Variants in HBS1L observed in about 807,000 individuals in gnomAD.
The protein encoded by HBS1L is HBS1-like protein.
Under a neutral mutation model 88.9 loss-of-function variants are expected in HBS1L, and 55 were observed. The observed-to-expected ratio is 0.62, with a 90% confidence interval of 0.50 to 0.77. The LOEUF is 0.77. Ranked by LOEUF, HBS1L falls within the 30% of genes least tolerant of loss-of-function variation. The pLI is 0.00. For synonymous variants in HBS1L, 267 were observed against 288.5 expected (o/e 0.93, Z 0.76); for missense variants, 741 against 829.3 (o/e 0.89, Z 1.31).
At chr6:134,986,675 C>A in intron 10 of HBS1L, 61 bp downstream of exon 10, 2 of 783,166 alleles carry the variant, frequency 2.6e-6, no homozygotes, top group South Asian at 2.2e-5. Flanking sequence ...TTAGTTTTTC[C>A]TCTCATACCA....
chr6:135,007,181 C>G lies in HBS1L; in HGVS notation c.431-4339G>C, dbSNP rs542912637. Among the ~76,000 whole-genome samples the G allele has an allele frequency of 2.6e-5, 4 of 152,138 alleles. No individual in the cohort carries two copies. In the South Asian group the frequency reaches 6.2e-4, roughly 24 times the overall value. On this transcript the variant is annotated intron_variant, in intron 4 of 17. Transcript: ENST00000367837. The stretch of plus-strand genomic sequence containing the variant: ...TGGGGATGCAATAAATATCAGAATA[C>G]TTTTTGATTTTTTTTCTATAGAACA...
intron 4 of HBS1L, among the ~76,000 whole-genome samples, chr6:135,038,299 G>C (rs752080053): frequency 6.6e-6 from 1 of 151,836 alleles, no homozygotes; most frequent in Non-Finnish European, 1.5e-5. Flanking sequence ...TAATTTTCAC[G>C]AATTTAAAAA....
intron 1 of HBS1L, among the ~76,000 whole-genome samples, chr6:135,053,600 C>T (rs1225221899): frequency 6.6e-6 from 1 of 152,192 alleles, no homozygotes; most frequent in Non-Finnish European, 1.5e-5. Flanking sequence ...ATGTTCTAGA[C>T]GGACTGAGGT....
chr6:135,047,135 C>A (rs189382987), intron 2 of HBS1L, among the ~76,000 whole-genome samples: 20 of 152,260 alleles, frequency 1.3e-4, no homozygotes, highest in Admixed American at 6.5e-4. Flanking sequence ...ACATCAAAAG[C>A]TATGAGAGAC....
chr6:135,032,909 G>A lies in HBS1L; in HGVS notation c.430+6664C>T, dbSNP rs375135588. On this transcript the variant is annotated intron_variant, in intron 4 of 17. Coordinates refer to ENST00000367837, the MANE Select transcript of HBS1L (RefSeq NM_006620.4). ...TTCAAAGCTAAAAGGAGAAAAAGAG[G>A]TTAAAATGCCAGTTTAGTAACTAGG... is the stretch of plus-strand genomic sequence containing the variant. 2.5e-4 allele frequency among the ~76,000 whole-genome samples: 35 copies of A among 141,380 alleles called. 1 individual carries two copies. In the South Asian group the frequency reaches 6.7e-3, roughly 27 times the overall value. The allele number at this position is 141,380 out of a possible 152,430, so 92.8% of individuals were successfully genotyped here.
intron 15 of HBS1L, among the ~76,000 whole-genome samples, chr6:134,976,041 A>T (rs958070874): frequency 1.3e-5 from 2 of 152,038 alleles, no homozygotes; most frequent in African/African-American, 4.8e-5. Context: ...AATCTACAAA[A>T]GACTCAAATC....
chr6:134,999,392 T>C, intron 5 of HBS1L, among the ~76,000 whole-genome samples: 1 of 152,086 alleles, frequency 6.6e-6, no homozygotes, highest in Admixed American at 6.6e-5. Context: ...CATGAAAGGT[T>C]TGTTTTCCTC....
intron 4 of HBS1L, among the ~76,000 whole-genome samples, chr6:135,006,326 G>A (rs557675115): frequency 3.3e-5 from 5 of 152,310 alleles, no homozygotes; most frequent in East Asian, 1.9e-4. Flanking sequence ...CGGGAAATAA[G>A]GTAGTCAAAG....
chr6:134,998,417 T>C (rs1195521756), intron 5 of HBS1L, among the ~76,000 whole-genome samples: 1 of 116,070 alleles, frequency 8.6e-6, no homozygotes, highest in African/African-American at 2.9e-5. Flanking sequence ...CTAGTACCAG[T>C]GCAACTCTGA....
chr6:135,047,216 T>C (rs1220877147), intron 2 of HBS1L, among the ~76,000 whole-genome samples: 1 of 152,214 alleles, frequency 6.6e-6, no homozygotes, highest in African/African-American at 2.4e-5. Context: ...AAACACCCTT[T>C]GAAGGTCTGA....
intron 4 of HBS1L, chr6:135,036,941 C>T (rs1452139492): frequency 6.4e-7 from 1 of 1,551,430 alleles, no homozygotes; most frequent in African/African-American, 1.4e-5. Flanking sequence ...GGGTCTACTA[C>T]AGGCTTTGGA....
intron 15 of HBS1L, among the ~76,000 whole-genome samples, chr6:134,977,063 C>G (rs1774668699): frequency 6.6e-6 from 1 of 151,852 alleles, no homozygotes; most frequent in Admixed American, 6.6e-5. Flanking sequence ...GCTTAGGAAA[C>G]CTTTGTTTGC....
chr6:135,021,451 T>A (rs1776067893), intron 4 of HBS1L, among the ~76,000 whole-genome samples: 2 of 152,156 alleles, frequency 1.3e-5, no homozygotes, highest in Non-Finnish European at 2.9e-5. Context: ...CAAAGTCATC[T>A]GAAATTTAAA....
rs534221645 is a variant in HBS1L at position 135,002,671 on chromosome 6, G to C, written c.539+63C>G. ...TTGAAACAGTCTCTTTCTTACAGAA[G>C]CAACAGTGATTTCAAAAACTTGGGG... On this transcript the variant is annotated intron_variant, in intron 5 of 17. Coordinates refer to ENST00000367837, the MANE Select transcript of HBS1L (RefSeq NM_006620.4). 1,696 of 782,798 alleles carry C rather than the reference G, an allele frequency of 2.2e-3. 21 individuals carry two copies. Among genetic ancestry groups the C allele is most frequent in the South Asian group, 0.013 (966 of 72,178 alleles). 48.5% of individuals were successfully genotyped at this position (782,798 alleles called of 1,614,324 possible).
At position 134,996,790 on chromosome 6, in the gene HBS1L, C is replaced by T. The variant is rs758000781; in HGVS notation, c.952G>A (p.Glu318Lys). ...TATAGTGACTACCTTTCCCTTTCTT[C>T]GCCAGTTTCATCCAAGACCCATGCA... ...AYAWVLDETG[E>K]ERERGVTMDV... Residue 318 changes from glutamate (E) to lysine (K), a missense_variant, in exon 7 of 18, where the codon GAA becomes AAA. Glu to Lys is a moderately conservative substitution (Grantham distance 56). Around this residue, in one of 3 missense-constraint regions of HBS1L, gnomAD observed 556 missense variants for 598.4 expected, o/e 0.93. Transcript: ENST00000367837. The T allele has an allele frequency of 7.5e-6, 12 of 1,592,006 alleles. No homozygotes were observed. Among genetic ancestry groups the T allele is most frequent in the South Asian group, 1.2e-5 (1 of 86,270 alleles).
chr6:135,041,595 A>C (rs577693825), intron 3 of HBS1L, among the ~76,000 whole-genome samples: 1 of 152,144 alleles, frequency 6.6e-6, no homozygotes, highest in Non-Finnish European at 1.5e-5. Context: ...TTAGACTTCA[A>C]CTGGTTTTTT....
chr6:134,974,384 G>T (rs879877480), intron 15 of HBS1L, among the ~76,000 whole-genome samples: 26 of 151,958 alleles, frequency 1.7e-4, no homozygotes, highest in Non-Finnish European at 3.2e-4. Context: ...GAGAAAGAGA[G>T]AATCTTCTCT....
chr6:135,028,466 A>T (rs1004836487), intron 4 of HBS1L, among the ~76,000 whole-genome samples: 3 of 150,106 alleles, frequency 2.0e-5, no homozygotes, highest in Non-Finnish European at 4.5e-5. Context: ...TTCAAATTTG[A>T]CCCCAGAATC....
intron 12 of HBS1L, among the ~76,000 whole-genome samples, chr6:134,984,322 T>C (rs1774917954): frequency 6.6e-6 from 1 of 152,188 alleles, no homozygotes; most frequent in Non-Finnish European, 1.5e-5. Context: ...TTAAATGTAT[T>C]ATGTGCCAGG....
Sources: allele counts gnomAD v4.1 joint callset (sites outside exome capture counted in the v4.1 genomes callset), GRCh38; gene constraint gnomAD v4.1.1; regional missense constraint gnomAD v4.1.1; transcripts MANE v1.5; gene names NCBI Gene and HGNC (gene_info 2026-07-23, HGNC 2026-07-21).